Variants in ATAD3C observed in about 807,000 individuals in gnomAD.
ATAD3C encodes ATPase family AAA domain-containing protein 3C.
ATAD3C carries 38 observed loss-of-function variants against 46.3 expected under a neutral mutation model. The ratio of observed to expected loss-of-function variants is 0.82; its 90% CI spans 0.63 to 1.08. The LOEUF is 1.08. Ranked by LOEUF, ATAD3C falls within the 50% of genes least tolerant of loss-of-function variation. ATAD3C has a pLI of 0.00. For missense variants in ATAD3C, 563 were observed against 572.7 expected, an observed-to-expected ratio of 0.98 and a Z score of 0.17; for synonymous variants, 220 against 236.4, an observed-to-expected ratio of 0.93 and a Z score of 0.63.
rs35537276 is a variant in ATAD3C at position 1,469,021 on chromosome 1, C to T, written c.*491C>T. ...CGGTGGCTCACGCCTGGAATCTCAG[C>T]GAGGCCAAGGAGAGTGGATCACCTG... On this transcript the variant is annotated 3_prime_UTR_variant, in exon 12 of 12. Coordinates refer to ENST00000378785, the MANE Select transcript of ATAD3C (RefSeq NM_001039211.3). 189 of 149,998 alleles carry T rather than the reference C, an allele frequency of 1.3e-3. 2 individuals carry two copies. Among genetic ancestry groups the T allele is most frequent in the African/African-American group, 2.8e-3 (107 of 38,122 alleles). 9.3% of individuals were successfully genotyped at this position (149,998 alleles called of 1,614,324 possible).
chr1:1,461,661 C>T (rs1210933679), intron 10 of ATAD3C, among the ~76,000 whole-genome samples: 1 of 151,526 alleles, frequency 6.6e-6, no homozygotes, highest in Non-Finnish European at 1.5e-5. Context: ...GAGGGAGAGG[C>T]TCCTCATGAG....
rs1373082097 is a variant in ATAD3C at position 1,459,776 on chromosome 1, T to C, written c.812+545T>C. ...TGGGCTGCCGCCCAGATGTCCCCCATAGGGTGACCGCCCCATGGCCAGTCT... is the reference window on the plus strand; with the variant it reads ...TGGGCTGCCGCCCAGATGTCCCCCACAGGGTGACCGCCCCATGGCCAGTCT... On this transcript the variant is annotated intron_variant, in intron 9 of 11. Coordinates refer to ENST00000378785, the MANE Select transcript of ATAD3C (RefSeq NM_001039211.3). This position sits in a 1 kb window ranked among gnomAD's most constrained non-coding sequence, Gnocchi z 4.9. 6.6e-6 allele frequency among the ~76,000 whole-genome samples: 1 copy of C among 151,996 alleles called. No individual in the cohort carries two copies. Among genetic ancestry groups the C allele is most frequent in the South Asian group, 2.1e-4 (1 of 4,816 alleles).
rs777757826 is a variant in ATAD3C, at chr1:1,457,595, C to CAAAAAAAAAAAAA, written c.741+422_741+434dup. ...TGGGCGACACAGCGAGACTTCATCT[C>CAAAAAAAAAAAAA]AAAAAAAAAAAAAAAAAAACAAAAA... is the stretch of plus-strand genomic sequence containing the variant. On this transcript the variant is annotated intron_variant, in intron 8 of 11. Transcript: ENST00000378785. Among the ~76,000 whole-genome samples, 57 of 36,442 alleles carry CAAAAAAAAAAAAA rather than the reference C, an allele frequency of 1.6e-3. 2 individuals carry two copies. The highest frequency in any genetic ancestry group is 0.01 in the Middle Eastern group (1 of 98). The allele number at this position is 36,442 out of a possible 152,430, so 23.9% of individuals were successfully genotyped here.
Position 1,450,597 on chromosome 1 carries a change from A to C in ATAD3C, c.-87A>C. The C allele has an allele frequency of 1.3e-6, 2 of 1,514,202 alleles. No individual in the cohort carries two copies. Among genetic ancestry groups the C allele is most frequent in the Non-Finnish European group, 1.8e-6 (2 of 1,113,524 alleles). The allele number at this position is 1,514,202 out of a possible 1,614,324, so 93.8% of individuals were successfully genotyped here. ...AGGTCGAGGCGTGGCCGTGGATTCCAGAAAGCCCCTTGGCTGGTGTGCGTG... is the reference window on the plus strand; with the variant it reads ...AGGTCGAGGCGTGGCCGTGGATTCCCGAAAGCCCCTTGGCTGGTGTGCGTG... On this transcript the variant is annotated 5_prime_UTR_variant, in exon 1 of 12. Coordinates refer to ENST00000378785, the MANE Select transcript of ATAD3C (RefSeq NM_001039211.3).
In ATAD3C at chr1:1,450,469, G is replaced by T. The variant is rs887372397; in HGVS notation, c.-215G>T. ...GGCTCTCCAAGACCATCCCTGGAGGGCATAAAACCTCACAAATGCATCAGG... is the reference window on the plus strand; with the variant it reads ...GGCTCTCCAAGACCATCCCTGGAGGTCATAAAACCTCACAAATGCATCAGG... On this transcript the variant is annotated 5_prime_UTR_variant, in exon 1 of 12. Coordinates refer to ENST00000378785, the MANE Select transcript of ATAD3C (RefSeq NM_001039211.3). 36 of 631,748 alleles carry T rather than the reference G, an allele frequency of 5.7e-5. 1 individual carries two copies. In the Middle Eastern group the frequency reaches 1.3e-3, roughly 23 times the overall value. The allele number at this position is 631,748 out of a possible 1,614,324, so 39.1% of individuals were successfully genotyped here.
intron 7 of ATAD3C, 76 bp from the exon 8 acceptor site, chr1:1,457,053 C>T: frequency 1.3e-6 from 2 of 1,598,894 alleles, no homozygotes; most frequent in South Asian, 1.1e-5. Flanking sequence ...TTGGCCTGCT[C>T]CTGCCATGGC....
At chr1:1,465,583 T>G (rs1243132285) in intron 11 of ATAD3C, among the ~76,000 whole-genome samples, 2 of 137,130 alleles carry the variant, frequency 1.5e-5, no homozygotes, top group Non-Finnish European at 3.1e-5. Context: ...AGAGCAAGAC[T>G]GTCTTTAAAA....
intron 11 of ATAD3C, among the ~76,000 whole-genome samples, chr1:1,467,899 C>T (rs1176040492): frequency 2.6e-5 from 4 of 152,106 alleles, no homozygotes; most frequent in Non-Finnish European, 5.9e-5. Context: ...AAGCCCTGTG[C>T]CCAGGAGGAC....
rs780720443 is a variant in ATAD3C, at chr1:1,459,925, C to G, written c.812+694C>G. Among the ~76,000 whole-genome samples, 1 of 152,008 alleles carries G rather than the reference C, an allele frequency of 6.6e-6. No homozygotes were observed. The highest frequency in any genetic ancestry group is 1.5e-5 in the Non-Finnish European group (1 of 67,964). ...TCGGCCGTGGCTGACTCCTCAGGCA[C>G]GTTGGGCTCCTGGGTCAGCTGCTGC... On this transcript the variant is annotated intron_variant, in intron 9 of 11. Transcript: ENST00000378785. This position sits in a 1 kb window ranked among gnomAD's most constrained non-coding sequence, Gnocchi z 4.9.
chr1:1,455,925 G>A lies in ATAD3C; in HGVS notation c.564+9G>A. On this transcript the variant is annotated intron_variant, in intron 6 of 11. Transcript: ENST00000378785. Reference sequence around the variant, plus strand: ...AGACGCTGTTTGCCAAGGTGAGAGTGCCTAGCTGAACAGGTGGGCCAGGGG... The same window carrying A: ...AGACGCTGTTTGCCAAGGTGAGAGTACCTAGCTGAACAGGTGGGCCAGGGG... 2 of 1,612,774 alleles carry A rather than the reference G, an allele frequency of 1.2e-6. No homozygotes were observed. Among genetic ancestry groups the A allele is most frequent in the Admixed American group, 1.7e-5 (1 of 59,944 alleles).
In ATAD3C at chr1:1,468,756, A is replaced by C; in HGVS notation, c.*226A>C. On this transcript the variant is annotated 3_prime_UTR_variant, in exon 12 of 12. Coordinates refer to ENST00000378785, the MANE Select transcript of ATAD3C (RefSeq NM_001039211.3). Reference sequence around the variant, plus strand: ...CTGGGGCTTTCTGGAGGATTTAACCACAGAGGGGTGGGCTTCACAGGAGGT... The same window carrying C: ...CTGGGGCTTTCTGGAGGATTTAACCCCAGAGGGGTGGGCTTCACAGGAGGT... 1.2e-6 allele frequency: 1 copy of C among 816,632 alleles called. No homozygotes were observed. Among genetic ancestry groups the C allele is most frequent in the Non-Finnish European group, 1.9e-6 (1 of 536,982 alleles). The allele number at this position is 816,632 out of a possible 1,614,324, so 50.6% of individuals were successfully genotyped here.
intron 8 of ATAD3C, among the ~76,000 whole-genome samples, chr1:1,458,181 A>T (rs1638998932): frequency 6.6e-6 from 1 of 151,616 alleles, no homozygotes; most frequent in African/African-American, 2.4e-5. Flanking sequence ...GGGTTTCACC[A>T]TGTTGGTCAG....
chr1:1,452,508 C>A (rs1380412036), intron 3 of ATAD3C, 74 bp downstream of exon 3: 20 of 1,605,660 alleles, frequency 1.2e-5, no homozygotes, highest in Non-Finnish European at 6.0e-6. Flanking sequence ...AGCCACAGGT[C>A]CTATCCCTGC....
chr1:1,459,062 T>C lies in ATAD3C; in HGVS notation c.742-99T>C. On this transcript the variant is annotated intron_variant, in intron 8 of 11. Transcript: ENST00000378785. This position sits in a 1 kb window ranked among gnomAD's most constrained non-coding sequence, Gnocchi z 4.9. ...CTAGATCCGTGAAAGTGTCGCCATGTCCCTGCTCCCTGCAGGAGGGAGGCC... is the reference window on the plus strand; with the variant it reads ...CTAGATCCGTGAAAGTGTCGCCATGCCCCTGCTCCCTGCAGGAGGGAGGCC... 1 of 1,564,276 alleles carries C rather than the reference T, an allele frequency of 6.4e-7. No individual in the cohort carries two copies. Among genetic ancestry groups the C allele is most frequent in the South Asian group, 1.2e-5 (1 of 85,224 alleles).
At chr1:1,455,018 A>T (rs940046919) in intron 4 of ATAD3C, among the ~76,000 whole-genome samples, 2 of 151,436 alleles carry the variant, frequency 1.3e-5, no homozygotes, top group African/African-American at 4.9e-5. Flanking sequence ...CATCGAGACC[A>T]TCCTGGCTAA....
In ATAD3C at chr1:1,451,973, G is replaced by A. The variant is rs946144240; in HGVS notation, c.76-73G>A. ...GGAGCCCTGCGGTCCTGGGGCGGACGCAACCTCTGGATTGGTGTTGAGCAT... is the reference window on the plus strand; with the variant it reads ...GGAGCCCTGCGGTCCTGGGGCGGACACAACCTCTGGATTGGTGTTGAGCAT... On this transcript the variant is annotated intron_variant, in intron 1 of 11. Transcript: ENST00000378785. The A allele has an allele frequency of 6.3e-6, 10 of 1,580,742 alleles. No individual in the cohort carries two copies. The African/African-American group carries it at 9.5e-5, about 15-fold the overall frequency.
chr1:1,467,668 T>C lies in ATAD3C; in HGVS notation c.1090-716T>C, dbSNP rs188318967. Among the ~76,000 whole-genome samples, 813 of 152,184 alleles carry C rather than the reference T, an allele frequency of 5.3e-3. 12 individuals are homozygous for C. Among genetic ancestry groups the C allele is most frequent in the African/African-American group, 0.018 (751 of 41,540 alleles). On this transcript the variant is annotated intron_variant, in intron 11 of 11. Coordinates refer to ENST00000378785, the MANE Select transcript of ATAD3C (RefSeq NM_001039211.3). ...CCGGGAAGGGTCCCCTGCCCTGTGC[T>C]TCCTCCAGGCGTCCTGGTGCGCTCT...
chr1:1,467,704 G>T (rs1255124840), intron 11 of ATAD3C, among the ~76,000 whole-genome samples: 3 of 152,058 alleles, frequency 2.0e-5, no homozygotes, highest in African/African-American at 7.2e-5. Flanking sequence ...TGAGCATGGC[G>T]CCCAGTGGGG....
chr1:1,457,228 T>G lies in ATAD3C; in HGVS notation c.741+48T>G, dbSNP rs373870248. ...CTGGCCACAGGAGGGTGGTGGGGTGTGTGCGGCTGTCATCCTGGGCCAGGC... is the reference window on the plus strand; with the variant it reads ...CTGGCCACAGGAGGGTGGTGGGGTGGGTGCGGCTGTCATCCTGGGCCAGGC... On this transcript the variant is annotated intron_variant, in intron 8 of 11. Coordinates refer to ENST00000378785, the MANE Select transcript of ATAD3C (RefSeq NM_001039211.3). 3.1e-4 allele frequency: 493 copies of G among 1,611,682 alleles called. 6 individuals are homozygous for G. In the African/African-American group the frequency reaches 5.8e-3, roughly 19 times the overall value.
Sources: gnomAD v4.1 joint callset for allele counts (sites outside exome capture counted in the v4.1 genomes callset) on GRCh38, gnomAD v4.1.1 for gene constraint, Gnocchi (gnomAD v3.1) non-coding constraint, MANE v1.5 for transcripts, NCBI Gene and HGNC (gene_info 2026-07-23, HGNC 2026-07-21) for gene names.